Variants in ANKRD17 observed in about 807,000 individuals in gnomAD.
ANKRD17 encodes ankyrin repeat domain 17, also known as ankyrin repeat domain-containing protein 17.
A neutral mutation model predicts 229.7 loss-of-function variants in ANKRD17; 19 were observed. That is an observed-to-expected ratio of 0.08 (90% CI 0.06 to 0.12). ANKRD17 has a LOEUF of 0.12. Ranked by LOEUF, ANKRD17 falls within the 10% of genes least tolerant of loss-of-function variation. The pLI is 1.00. For missense variants in ANKRD17, 2,176 were observed against 3,176.8 expected (o/e 0.68, Z 7.57); for synonymous variants, 1,112 against 1,146.1 (o/e 0.97, Z 0.60).
At chr4:73,174,078 G>A (rs916658902) in intron 2 of ANKRD17, among the ~76,000 whole-genome samples, 10 of 141,696 alleles carry the variant, frequency 7.1e-5, no homozygotes, top group Admixed American at 6.6e-4. Context: ...GAAGGAAGGC[G>A]AGGGAAGGGA....
intron 2 of ANKRD17, among the ~76,000 whole-genome samples, chr4:73,162,997 C>T (rs575430855): frequency 1.8e-4 from 28 of 151,918 alleles, no homozygotes; most frequent in Non-Finnish European, 2.6e-4. Flanking sequence ...CACCTGCGAC[C>T]ACAGGCGCAT....
At position 73,258,574 on chromosome 4, in the gene ANKRD17, G is replaced by A; in HGVS notation, c.95C>T (p.Ala32Val). 1.4e-6 allele frequency: 2 copies of A among 1,456,700 alleles called. No individual in the cohort carries two copies. The highest frequency in any genetic ancestry group is 1.8e-6 in the Non-Finnish European group (2 of 1,116,444). The allele number at this position is 1,456,700 out of a possible 1,614,324, so 90.2% of individuals were successfully genotyped here. Residue 32 changes from alanine to valine, a missense_variant, in exon 1 of 34, where the codon GCG (alanine) becomes GTG (valine). This residue lies in a region of ANKRD17 where 196 missense variants were observed against 190.0 expected (regional missense o/e 1.03). Coordinates refer to ENST00000358602, the MANE Select transcript of ANKRD17 (RefSeq NM_032217.5). ...GCCAACGCCGCCGCCGACCTCCGCC[G>A]CCGCGGGGGGGCCCGCCACAGCCGC... ...AVAAVAGPPAAAEVGGGVGGS... is the reference protein window; with the variant it reads ...AVAAVAGPPAVAEVGGGVGGS...
chr4:73,150,183 T>C (rs1223622514), intron 7 of ANKRD17, among the ~76,000 whole-genome samples: 1 of 152,190 alleles, frequency 6.6e-6, no homozygotes, highest in Non-Finnish European at 1.5e-5. Flanking sequence ...TCTTCCTCGA[T>C]AGCGAACTCC....
At chr4:73,236,315 C>G (rs1047760827) in intron 1 of ANKRD17, among the ~76,000 whole-genome samples, 8 of 152,062 alleles carry the variant, frequency 5.3e-5, no homozygotes, top group African/African-American at 1.4e-4. Flanking sequence ...GCCACCACAC[C>G]CACCTAATTT....
At position 73,077,072 on chromosome 4, in the gene ANKRD17, C is replaced by T; in HGVS notation, c.7620G>A (p.Met2540Ile). ...CAGGGATAGGTGCTACTGGAGGAAT[C>T]ATTGCATTCCCATACACAGAAAAAG... is the stretch of plus-strand genomic sequence containing the variant. ...GMPFSVYGNAMIPPVAPIPDG... is the reference protein window; with the variant it reads ...GMPFSVYGNAIIPPVAPIPDG... The change falls in exon 33 of 34, where the codon ATG becomes ATA. Residue 2540 changes from methionine (M) to isoleucine (I), a missense_variant. Met to Ile is a conservative substitution (Grantham distance 10). Transcript: ENST00000358602. 3.7e-6 allele frequency: 6 copies of T among 1,608,482 alleles called. No homozygotes were observed. The highest frequency in any genetic ancestry group is 5.1e-6 in the Non-Finnish European group (6 of 1,178,052).
intron 7 of ANKRD17, among the ~76,000 whole-genome samples, chr4:73,150,252 C>G (rs553116776): frequency 1.3e-5 from 2 of 152,298 alleles, no homozygotes; most frequent in Non-Finnish European, 2.9e-5. Context: ...TTTCAAATGT[C>G]TGGCCCCTAC....
At chr4:73,148,459 A>C (rs1730576281) in intron 8 of ANKRD17, among the ~76,000 whole-genome samples, 1 of 152,176 alleles carries the variant, frequency 6.6e-6, no homozygotes, top group South Asian at 2.1e-4. Flanking sequence ...GATCTATTAA[A>C]TACTTATTAG....
chr4:73,204,288 G>C (rs1739130387), intron 1 of ANKRD17, among the ~76,000 whole-genome samples: 1 of 146,706 alleles, frequency 6.8e-6, no homozygotes. Context: ...GTGAACCCGA[G>C]AGGCGGAGCT....
In ANKRD17 at chr4:73,144,627, T is replaced by C. The variant is rs1209475346; in HGVS notation, c.1957+118A>G. On this transcript the variant is annotated intron_variant, in intron 11 of 33. Transcript: ENST00000358602. Reference sequence around the variant, plus strand: ...TATCCACTCAATCATTAAATGTCAGTAGCATCCCTCCTCATATGATACCCT... The same window carrying C: ...TATCCACTCAATCATTAAATGTCAGCAGCATCCCTCCTCATATGATACCCT... 7.8e-6 allele frequency: 4 copies of C among 510,088 alleles called. No homozygotes were observed. In the East Asian group the frequency reaches 9.9e-5, roughly 13 times the overall value. The allele number at this position is 510,088 out of a possible 1,614,324, so 31.6% of individuals were successfully genotyped here.
At chr4:73,126,462 GA>G (rs1227752678) in intron 16 of ANKRD17, among the ~76,000 whole-genome samples, 1 of 151,178 alleles carries the variant, frequency 6.6e-6, no homozygotes, top group Non-Finnish European at 1.5e-5. Context: ...AGTAGGCCTT[GA>G]AATTTAAAAA....
At chr4:73,212,154 C>G (rs868835148) in intron 1 of ANKRD17, among the ~76,000 whole-genome samples, 1 of 151,964 alleles carries the variant, frequency 6.6e-6, no homozygotes, top group South Asian at 2.1e-4. Flanking sequence ...AAGAGGGTGG[C>G]GATTCTTTCA....
chr4:73,094,256 A>T (rs1723065480), intron 27 of ANKRD17, 28 bp from the exon 28 acceptor site: 3 of 1,579,730 alleles, frequency 1.9e-6, no homozygotes, highest in Non-Finnish European at 2.6e-6. Context: ...ATATAAATTA[A>T]GATTAGTCAT....
At chr4:73,134,189 TAA>T (rs1399702391) in intron 16 of ANKRD17, among the ~76,000 whole-genome samples, 3 of 152,144 alleles carry the variant, frequency 2.0e-5, no homozygotes, top group Non-Finnish European at 4.4e-5. Flanking sequence ...TTTAATAGGT[TAA>T]GAGTACATGC....
At chr4:73,174,873 A>G (rs1170044540) in intron 2 of ANKRD17, among the ~76,000 whole-genome samples, 1 of 152,212 alleles carries the variant, frequency 6.6e-6, no homozygotes, top group Non-Finnish European at 1.5e-5. Flanking sequence ...CAAAGAAGTG[A>G]AAGATCTCTA....
chr4:73,090,885 G>A lies in ANKRD17; in HGVS notation c.6743C>T (p.Pro2248Leu), dbSNP rs375736152. 1 of 1,614,104 alleles carries A rather than the reference G, an allele frequency of 6.2e-7. No homozygotes were observed. Among genetic ancestry groups the A allele is most frequent in the African/African-American group, 1.3e-5 (1 of 74,942 alleles). The change falls in exon 29 of 34, where the codon CCC (proline) becomes CTC (leucine). Residue 2248 changes from proline to leucine, a missense_variant. Pro to Leu is a moderately conservative substitution (Grantham distance 98). This residue lies in a region of ANKRD17 where 424 missense variants were observed against 454.0 expected (regional missense o/e 0.93). Coordinates refer to ENST00000358602, the MANE Select transcript of ANKRD17 (RefSeq NM_032217.5). Reference protein sequence around the residue: ...NKPIAPNFSAPLPFGPFSTLF... With the variant: ...NKPIAPNFSALLPFGPFSTLF... Reference sequence around the variant, plus strand: ...TGTGCTAAAGGGCCCAAATGGTAAGGGGGCACTGAAATTGGGAGCAATAGG... The same window carrying A: ...TGTGCTAAAGGGCCCAAATGGTAAGAGGGCACTGAAATTGGGAGCAATAGG...
At position 73,121,750 on chromosome 4, in the gene ANKRD17, G is replaced by T; in HGVS notation, c.3502C>A (p.Leu1168Ile). Residue 1168 changes from leucine (L) to isoleucine (I), a missense_variant, in exon 19 of 34, where the codon CTA becomes ATA. Transcript: ENST00000358602. The part of the protein sequence containing the change: ...CSGGRQEVVE[L>I]LLARGANKEH... ...TTATTTGCCCCTCGAGCTAACAATA[G>T]CTCCACCACCTGAAAATAAAATAGA... 6.3e-7 allele frequency: 1 copy of T among 1,594,426 alleles called. No individual in the cohort carries two copies. Among genetic ancestry groups the T allele is most frequent in the South Asian group, 1.2e-5 (1 of 86,814 alleles).
At chr4:73,176,555 C>A (rs1734761540) in intron 2 of ANKRD17, among the ~76,000 whole-genome samples, 1 of 151,638 alleles carries the variant, frequency 6.6e-6, no homozygotes, top group South Asian at 2.1e-4. Context: ...AGGATGAATA[C>A]CAGAGGCTGG....
chr4:73,224,481 G>A (rs1363638701), intron 1 of ANKRD17, among the ~76,000 whole-genome samples: 1 of 152,056 alleles, frequency 6.6e-6, no homozygotes, highest in African/African-American at 2.4e-5. Context: ...CAGTTTATAT[G>A]AAGATTAAAT....
At chr4:73,188,508 C>G (rs954850282) in intron 1 of ANKRD17, among the ~76,000 whole-genome samples, 1 of 151,924 alleles carries the variant, frequency 6.6e-6, no homozygotes, top group African/African-American at 2.4e-5. Flanking sequence ...TTGCTTGAAC[C>G]CGGGAGGCAG....
Sources: gnomAD v4.1 joint callset for allele counts (sites outside exome capture counted in the v4.1 genomes callset) on GRCh38, gnomAD v4.1.1 for gene constraint, gnomAD v4.1.1 regional missense constraint, MANE v1.5 for transcripts, NCBI Gene and HGNC (gene_info 2026-07-23, HGNC 2026-07-21) for gene names.